Variants in UBE2D3 observed in about 807,000 individuals in gnomAD.
UBE2D3 encodes the protein ubiquitin conjugating enzyme E2 D3.
A neutral mutation model predicts 22.8 loss-of-function variants in UBE2D3; 2 were observed. The ratio of observed to expected loss-of-function variants is 0.09; its 90% CI spans 0.04 to 0.28. The LOEUF is 0.28. Among genes scored for constraint, UBE2D3 ranks in the 10% least tolerant of loss-of-function variants. The pLI, the probability that UBE2D3 is intolerant of heterozygous loss-of-function variation, is 1.00. For synonymous variants in UBE2D3, 56 were observed against 60.4 expected, an observed-to-expected ratio of 0.93 and a Z score of 0.34; for missense variants, 27 against 182.5, an observed-to-expected ratio of 0.15 and a Z score of 4.91.
At chr4:102,861,619 G>T (rs902167267) in intron 1 of UBE2D3, among the ~76,000 whole-genome samples, 3 of 151,874 alleles carry the variant, frequency 2.0e-5, no homozygotes, top group Non-Finnish European at 4.4e-5. Flanking sequence ...ATAAGAATCT[G>T]CCTTGTTATT....
At chr4:102,798,463 GCTTT>G (rs1248204223) in intron 7 of UBE2D3, among the ~76,000 whole-genome samples, 3 of 151,044 alleles carry the variant, frequency 2.0e-5, no homozygotes, top group African/African-American at 7.3e-5. Context: ...TAAAACAAAG[GCTTT>G]ATTTAGCATA....
chr4:102,829,023 TAAA>T (rs566356956), upstream of UBE2D3, among the ~76,000 whole-genome samples: 20 of 152,346 alleles, frequency 1.3e-4, no homozygotes, highest in East Asian at 3.7e-3. Flanking sequence ...TTTTACCTAA[TAAA>T]AACTTAACAC....
intron 2 of UBE2D3, chr4:102,812,970 G>A (rs1728259304): frequency 6.6e-6 from 1 of 152,090 alleles, no homozygotes. Context: ...ACAAGATTAA[G>A]TAAGACTATT....
At chr4:102,836,141 ATT>A (rs907557988) in intron 1 of UBE2D3, among the ~76,000 whole-genome samples, 2 of 102,638 alleles carry the variant, frequency 1.9e-5, no homozygotes, top group African/African-American at 3.9e-5. Context: ...GTTTGTTTCC[ATT>A]TTTTTTTTTT....
intron 1 of UBE2D3, chr4:102,868,641 A>T (rs2110388331): frequency 1.9e-6 from 3 of 1,608,006 alleles, no homozygotes; most frequent in East Asian, 2.2e-5. Flanking sequence ...ATGCAACCCT[A>T]GGGCCACAGC....
intron 2 of UBE2D3, chr4:102,825,467 T>C (rs1244689535): frequency 8.7e-7 from 1 of 1,153,052 alleles, no homozygotes; most frequent in Non-Finnish European, 1.1e-6. Context: ...TAACAAATCA[T>C]ATTAATTCAC....
At chr4:102,821,146 T>C (rs917617747) in intron 2 of UBE2D3, among the ~76,000 whole-genome samples, 1 of 152,174 alleles carries the variant, frequency 6.6e-6, no homozygotes, top group Non-Finnish European at 1.5e-5. Flanking sequence ...AACACTGCTA[T>C]GGTAGCAAGC....
At chr4:102,854,576 T>C (rs576915335) in intron 1 of UBE2D3, among the ~76,000 whole-genome samples, 5 of 152,240 alleles carry the variant, frequency 3.3e-5, no homozygotes, top group Non-Finnish European at 5.9e-5. Context: ...CCTGACAGTT[T>C]TCCTTTTTCT....
intron 5 of UBE2D3, chr4:102,802,103 T>C (rs1357953166): frequency 6.5e-6 from 1 of 154,456 alleles, no homozygotes; most frequent in Non-Finnish European, 1.4e-5. Flanking sequence ...TGTTAATGAC[T>C]GAAAAGTGAA....
chr4:102,826,601 G>T lies in UBE2D3; in HGVS notation c.-93C>A. 6.2e-7 allele frequency: 1 copy of T among 1,600,162 alleles called. No individual in the cohort carries two copies. On this transcript the variant is annotated 5_prime_UTR_variant, in exon 2 of 8. Transcript: ENST00000453744. ...ATTATCCCGGCGGCGGGGCAGGATTGTCTCGTCTCACACCAGCTCTGCCAG... is the reference window on the plus strand; with the variant it reads ...ATTATCCCGGCGGCGGGGCAGGATTTTCTCGTCTCACACCAGCTCTGCCAG...
upstream of UBE2D3, among the ~76,000 whole-genome samples, chr4:102,828,359 C>G (rs223387): frequency 0.56 from 85,398 of 151,682 alleles, 25,034 homozygotes; most frequent in African/African-American, 0.74. Context: ...GCTGGTTATG[C>G]TGTGGGAGGA....
At chr4:102,800,912 A>G (rs223427) in intron 6 of UBE2D3, among the ~76,000 whole-genome samples, 149,113 of 152,116 alleles carry the variant, frequency 0.98, 73,102 homozygotes, top group East Asian at 1. Context: ...CGTAACAGAT[A>G]CCTATTAAGA....
At chr4:102,833,855 T>A (rs1216234724) in intron 1 of UBE2D3, among the ~76,000 whole-genome samples, 1 of 152,164 alleles carries the variant, frequency 6.6e-6, no homozygotes, top group Non-Finnish European at 1.5e-5. Flanking sequence ...ATATTACACC[T>A]ATGAGAAAAT....
At chr4:102,863,050 G>T (rs58596819) in intron 1 of UBE2D3, among the ~76,000 whole-genome samples, 2 of 148,330 alleles carry the variant, frequency 1.3e-5, no homozygotes, top group Non-Finnish European at 3.0e-5. Context: ...GTTTTTCTTT[G>T]TTTTTTTTTT....
chr4:102,809,076 GT>G (rs1043293495), intron 4 of UBE2D3: 2 of 213,820 alleles, frequency 9.4e-6, no homozygotes, highest in African/African-American at 4.7e-5. Flanking sequence ...ACCCCAGGAT[GT>G]TTTAGTGCGC....
chr4:102,809,553 A>G (rs1014239671), intron 4 of UBE2D3, 119 bp downstream of exon 4: 2 of 1,062,756 alleles, frequency 1.9e-6, no homozygotes, highest in East Asian at 2.6e-5. Context: ...ACAACTATGG[A>G]ATATCCAAAA....
Position 102,813,465 on chromosome 4 carries a change from A to G in UBE2D3, c.25-3610T>C, listed in dbSNP as rs528900339. On this transcript the variant is annotated intron_variant, in intron 2 of 7. Transcript: ENST00000453744. ...CTAAGATTTTTGGCCTGAGCAAAGC[A>G]TGAGATTGGCATTAAGTAAAATGGT... is the stretch of plus-strand genomic sequence containing the variant. Among the ~76,000 whole-genome samples the G allele has an allele frequency of 3.9e-5, 6 of 152,378 alleles. No individual in the cohort carries two copies. In the East Asian group the frequency reaches 1.2e-3, roughly 29 times the overall value.
chr4:102,822,426 G>A (rs1360254785), intron 2 of UBE2D3, among the ~76,000 whole-genome samples: 1 of 152,172 alleles, frequency 6.6e-6, no homozygotes, highest in Non-Finnish European at 1.5e-5. Context: ...ATCCTAAGCA[G>A]TTAACTGGCA....
intron 1 of UBE2D3, among the ~76,000 whole-genome samples, chr4:102,845,099 C>CA (rs1731979561): frequency 6.7e-6 from 1 of 148,550 alleles, no homozygotes; most frequent in East Asian, 2.0e-4. Context: ...AACACAGAAA[C>CA]TAGCTGGGAG....
Sources: gnomAD v4.1 joint callset for allele counts (sites outside exome capture counted in the v4.1 genomes callset) on GRCh38, gnomAD v4.1.1 for gene constraint, MANE v1.5 for transcripts, NCBI Gene and HGNC (gene_info 2026-07-23, HGNC 2026-07-21) for gene names.